The following CAST variants were observed in gnomAD, a reference collection of about 807,000 sequenced individuals.
CAST encodes MIR583 host.
Under a neutral mutation model 119.6 loss-of-function variants are expected in CAST, and 76 were observed. The observed-to-expected ratio is 0.64, with a 90% CI of 0.53 to 0.77. CAST has a LOEUF of 0.77. Ranked by LOEUF, CAST falls within the 30% of genes least tolerant of loss-of-function variation. The pLI, the probability that CAST is intolerant of heterozygous loss-of-function variation, is 0.00. For missense variants in CAST, 953 were observed against 946.5 expected, an observed-to-expected ratio of 1.01 and a Z score of -0.09; for synonymous variants, 319 against 331.6, an observed-to-expected ratio of 0.96 and a Z score of 0.41.
intron 25 of CAST, among the ~76,000 whole-genome samples, chr5:96,764,412 G>A (rs190951592): frequency 2.2e-4 from 33 of 152,294 alleles, no homozygotes; most frequent in Non-Finnish European, 3.4e-4. Context: ...TAGTTACAGT[G>A]ATATTGTTGT....
chr5:95,982,772 A>C, the CAST span, among the ~76,000 whole-genome samples: 89 of 152,348 alleles, frequency 5.8e-4, 1 homozygote, highest in Admixed American at 5.8e-3. Flanking sequence ...TTAAAGATAA[A>C]GGTTCTTTCA....
At chr5:96,147,207 T>C in the CAST span, among the ~76,000 whole-genome samples, 1 of 152,222 alleles carries the variant, frequency 6.6e-6, no homozygotes, top group Admixed American at 6.5e-5. Context: ...TGTGAATAAT[T>C]TATGGTTTTA....
the CAST span, chr5:96,215,136 GA>G: frequency 6.6e-6 from 1 of 152,238 alleles, no homozygotes; most frequent in African/African-American, 2.4e-5. Flanking sequence ...AATATTCCCA[GA>G]AGTGACTGCT....
the CAST span, among the ~76,000 whole-genome samples, chr5:96,472,914 T>C: frequency 6.6e-6 from 1 of 152,204 alleles, no homozygotes; most frequent in Non-Finnish European, 1.5e-5. Context: ...ATACTCCCTC[T>C]AGGAGAGAAG....
chr5:96,538,199 T>A (rs1745852649), intron 1 of CAST, among the ~76,000 whole-genome samples: 1 of 152,102 alleles, frequency 6.6e-6, no homozygotes, highest in Non-Finnish European at 1.5e-5. Context: ...AACCTCCACA[T>A]AGGTTATCAA....
At chr5:96,769,223 G>A (rs62364737) in intron 29 of CAST, 1 of 152,078 alleles carries the variant, frequency 6.6e-6, no homozygotes, top group Non-Finnish European at 1.5e-5. Flanking sequence ...TCCATACTGG[G>A]TAGCTTAATT....
At chr5:96,224,410 G>A in the CAST span, among the ~76,000 whole-genome samples, 1 of 152,126 alleles carries the variant, frequency 6.6e-6, no homozygotes, top group Non-Finnish European at 1.5e-5. Context: ...ATTAAGGTAA[G>A]CATCTTGACT....
At chr5:96,524,602 G>A (rs1047578033), upstream of CAST, among the ~76,000 whole-genome samples, 19 of 152,144 alleles carry the variant, frequency 1.2e-4, no homozygotes, top group East Asian at 1.9e-4. Flanking sequence ...CCCAACCTTG[G>A]AAATGGTTCC....
chr5:96,313,964 A>T, the CAST span, among the ~76,000 whole-genome samples: 1,891 of 152,246 alleles, frequency 0.012, 39 homozygotes, highest in African/African-American at 0.042. Flanking sequence ...GCTCTTCACC[A>T]TGTTTTCCTG....
chr5:96,554,023 C>G lies in CAST; in HGVS notation c.60+24143C>G, dbSNP rs141588766. Among the ~76,000 whole-genome samples, 1,416 of 152,212 alleles carry G rather than the reference C, an allele frequency of 9.3e-3. 18 individuals are homozygous for G. The highest frequency in any genetic ancestry group is 0.033 in the African/African-American group (1,375 of 41,542). On this transcript the variant is annotated intron_variant, in intron 1 of 11. Coordinates refer to the CAST transcript ENST00000505143. The stretch of plus-strand genomic sequence containing the variant: ...TAATGCTATCCCCATCAAGCTACCA[C>G]TCACTTTCTTCACAGAATTGGAAAA...
chr5:96,658,203 T>C (rs957152224), upstream of CAST, among the ~76,000 whole-genome samples: 1 of 152,268 alleles, frequency 6.6e-6, no homozygotes, highest in East Asian at 1.9e-4. Flanking sequence ...CGGGAGTACT[T>C]TGGGTTTAGT....
At chr5:96,461,871 G>A in the CAST span, among the ~76,000 whole-genome samples, 1 of 152,126 alleles carries the variant, frequency 6.6e-6, no homozygotes, top group Admixed American at 6.6e-5. Flanking sequence ...GTCCCAGCTT[G>A]AAGTAGATCA....
the CAST span, among the ~76,000 whole-genome samples, chr5:96,178,680 G>A: frequency 6.6e-6 from 1 of 152,030 alleles, no homozygotes; most frequent in Non-Finnish European, 1.5e-5. Context: ...TTGTTATGGG[G>A]GAGCACTGGC....
chr5:96,041,760 G>A, the CAST span, among the ~76,000 whole-genome samples: 22 of 152,030 alleles, frequency 1.4e-4, no homozygotes, highest in Admixed American at 7.2e-4. Context: ...AGATTTGAGG[G>A]CAGGTTGTGA....
chr5:96,733,582 CA>C (rs1761021109), intron 9 of CAST, among the ~76,000 whole-genome samples: 1 of 152,192 alleles, frequency 6.6e-6, no homozygotes, highest in Non-Finnish European at 1.5e-5. Context: ...ATTCTTCTCC[CA>C]TTAAATAGGA....
chr5:96,624,398 A>G (rs1747680831), intron 1 of CAST, among the ~76,000 whole-genome samples: 1 of 152,248 alleles, frequency 6.6e-6, no homozygotes, highest in Non-Finnish European at 1.5e-5. Context: ...GCACACACAA[A>G]CTAACATGTC....
chr5:96,240,264 C>T, the CAST span, among the ~76,000 whole-genome samples: 2 of 152,142 alleles, frequency 1.3e-5, no homozygotes, highest in South Asian at 4.2e-4. Flanking sequence ...AGCTTTACTA[C>T]AGCTGGATTT....
chr5:95,985,203 A>G, the CAST span, among the ~76,000 whole-genome samples: 10 of 152,164 alleles, frequency 6.6e-5, no homozygotes, highest in Non-Finnish European at 1.3e-4. Context: ...AGTCTTAGCT[A>G]TTTAGGAGAC....
chr5:96,576,598 A>G (rs558214548), intron 1 of CAST, among the ~76,000 whole-genome samples: 6 of 151,826 alleles, frequency 4.0e-5, no homozygotes, highest in Admixed American at 2.0e-4. Context: ...ACTGGCCTCT[A>G]CCTCCCAAAG....
Sources: gnomAD v4.1 joint callset for allele counts (sites outside exome capture counted in the v4.1 genomes callset) on GRCh38, gnomAD v4.1.1 for gene constraint, MANE v1.5 for transcripts, NCBI Gene and HGNC (gene_info 2026-07-23, HGNC 2026-07-21) for gene names.